The following AKAP19 variants were observed in gnomAD, a reference collection of about 807,000 sequenced individuals.
AKAP19 encodes small A-kinase anchoring protein.
chr2:190,053,477 G>A, the AKAP19 span, among the ~76,000 whole-genome samples: 4 of 152,112 alleles, frequency 2.6e-5, no homozygotes, highest in East Asian at 3.9e-4. Context: ...AAATGCCATC[G>A]AGGCATGAAT....
chr2:190,197,589 G>C, the AKAP19 span, among the ~76,000 whole-genome samples: 1 of 152,146 alleles, frequency 6.6e-6, no homozygotes, highest in Middle Eastern at 3.4e-3. The surrounding 1 kb of genome is among the most constrained non-coding windows in gnomAD (Gnocchi z 4.0). Flanking sequence ...ACTCTCCTGG[G>C]GCTCAACTCC....
chr2:190,130,011 T>C, the AKAP19 span, among the ~76,000 whole-genome samples: 1 of 152,170 alleles, frequency 6.6e-6, no homozygotes, highest in African/African-American at 2.4e-5. Context: ...CTGGGCTGGA[T>C]TTGGGGCCTG....
chr2:190,140,746 T>C, the AKAP19 span, among the ~76,000 whole-genome samples: 1 of 152,206 alleles, frequency 6.6e-6, no homozygotes. Context: ...GTCTCTGACA[T>C]AGCCTGGAGA....
At chr2:189,986,864 A>G in the AKAP19 span, among the ~76,000 whole-genome samples, 4 of 152,144 alleles carry the variant, frequency 2.6e-5, no homozygotes, top group South Asian at 8.3e-4. Flanking sequence ...CAAAGGTCAA[A>G]TTAAGGATGT....
the AKAP19 span, among the ~76,000 whole-genome samples, chr2:190,155,170 G>T: frequency 6.6e-6 from 1 of 152,182 alleles, no homozygotes; most frequent in South Asian, 2.1e-4. Context: ...TTACAGAAGA[G>T]CTACAACAGA....
the AKAP19 span, among the ~76,000 whole-genome samples, chr2:190,129,134 C>T: frequency 5.9e-5 from 9 of 152,188 alleles, no homozygotes; most frequent in African/African-American, 2.2e-4. Context: ...CAAATCAGTA[C>T]ATGTATATCT....
chr2:190,000,051 A>G, the AKAP19 span, among the ~76,000 whole-genome samples: 1 of 152,222 alleles, frequency 6.6e-6, no homozygotes, highest in African/African-American at 2.4e-5. Flanking sequence ...GCAGTACAGG[A>G]ACTAAGACAC....
At chr2:190,133,457 T>C in the AKAP19 span, among the ~76,000 whole-genome samples, 1 of 152,136 alleles carries the variant, frequency 6.6e-6, no homozygotes, top group African/African-American at 2.4e-5. Context: ...AAGGAACTGT[T>C]ATATACGGTT....
chr2:190,016,408 A>T, the AKAP19 span, among the ~76,000 whole-genome samples: 1 of 152,272 alleles, frequency 6.6e-6, no homozygotes, highest in Non-Finnish European at 1.5e-5. Context: ...TCTTGTGAGA[A>T]CTCACTATCA....
At chr2:190,054,782 C>T in the AKAP19 span, among the ~76,000 whole-genome samples, 3,654 of 152,196 alleles carry the variant, frequency 0.024, 155 homozygotes, top group East Asian at 0.17. Flanking sequence ...AATGAGATAC[C>T]ATCTCACACC....
At chr2:189,974,606 G>T in the AKAP19 span, among the ~76,000 whole-genome samples, 1 of 152,120 alleles carries the variant, frequency 6.6e-6, no homozygotes, top group Non-Finnish European at 1.5e-5. Flanking sequence ...ATTATTGTGT[G>T]GGAGTCTAAG....
At chr2:190,105,530 T>A in the AKAP19 span, among the ~76,000 whole-genome samples, 1 of 152,228 alleles carries the variant, frequency 6.6e-6, no homozygotes, top group South Asian at 2.1e-4. Context: ...TAGACTGAGC[T>A]CTTTGTTGAA....
chr2:190,184,844 TAA>T, the AKAP19 span, among the ~76,000 whole-genome samples: 3 of 152,290 alleles, frequency 2.0e-5, no homozygotes, highest in South Asian at 6.2e-4. Flanking sequence ...AGTGAGAAAT[TAA>T]GTCCATTGGG....
At chr2:190,069,923 G>T in the AKAP19 span, among the ~76,000 whole-genome samples, 2 of 152,172 alleles carry the variant, frequency 1.3e-5, no homozygotes, top group African/African-American at 4.8e-5. Flanking sequence ...GAGGCCCAGA[G>T]AGAGGTTATA....
the AKAP19 span, among the ~76,000 whole-genome samples, chr2:190,137,574 T>G: frequency 1.3e-5 from 2 of 152,206 alleles, no homozygotes; most frequent in Non-Finnish European, 2.9e-5. Context: ...CTAGCATGGT[T>G]TACTGTCCCT....
chr2:190,188,140 A>G, the AKAP19 span, among the ~76,000 whole-genome samples: 1 of 152,152 alleles, frequency 6.6e-6, no homozygotes, highest in African/African-American at 2.4e-5. Context: ...TAATACTTAT[A>G]GCCTGAATAA....
the AKAP19 span, among the ~76,000 whole-genome samples, chr2:190,072,292 A>G: frequency 6.6e-6 from 1 of 152,156 alleles, no homozygotes; most frequent in Admixed American, 6.6e-5. Flanking sequence ...ACAAGGGTTG[A>G]AAAACTAACT....
At chr2:190,001,099 T>G in the AKAP19 span, among the ~76,000 whole-genome samples, 1 of 152,214 alleles carries the variant, frequency 6.6e-6, no homozygotes, top group African/African-American at 2.4e-5. Context: ...AATATGTTGG[T>G]GAGCTCCTAT....
the AKAP19 span, among the ~76,000 whole-genome samples, chr2:190,088,620 GAAAA>G: frequency 2.7e-5 from 4 of 150,584 alleles, no homozygotes; most frequent in East Asian, 7.7e-4. Context: ...AAAGGCTAAA[GAAAA>G]AAAAAGTATC....
Sources: gnomAD v4.1 joint callset for allele counts (sites outside exome capture counted in the v4.1 genomes callset) on GRCh38, gnomAD v4.1.1 for gene constraint, Gnocchi (gnomAD v3.1) non-coding constraint, MANE v1.5 for transcripts, NCBI Gene and HGNC (gene_info 2026-07-23, HGNC 2026-07-21) for gene names.